Variants in SORCS2 observed in about 807,000 individuals in gnomAD.
The protein encoded by SORCS2 is sortilin related VPS10 domain containing receptor 2.
SORCS2 carries 100 observed loss-of-function variants against 141.6 expected under a neutral mutation model. The ratio of observed to expected loss-of-function variants is 0.71; its 90% CI spans 0.60 to 0.83. SORCS2 has a LOEUF of 0.83. SORCS2 is among the 40% of genes least tolerant of loss of function. SORCS2 has a pLI of 0.00. For synonymous variants in SORCS2, 789 were observed against 676.9 expected, an observed-to-expected ratio of 1.17 and a Z score of -2.57; for missense variants, 1,646 against 1,560.2, an observed-to-expected ratio of 1.05 and a Z score of -0.93.
chr4:7,579,647 C>T (rs1165184806), intron 3 of SORCS2, among the ~76,000 whole-genome samples: 8 of 152,198 alleles, frequency 5.3e-5, no homozygotes, highest in African/African-American at 1.9e-4. Context: ...CTGCTATCTT[C>T]TTTATCACTG....
rs867383597 is a variant in SORCS2 at position 7,481,432 on chromosome 4, G to A, written c.549-50098G>A. Among the ~76,000 whole-genome samples the A allele has an allele frequency of 2.1e-4, 32 of 152,330 alleles. No homozygotes were observed. In the Middle Eastern group the frequency reaches 0.014, roughly 65 times the overall value. On this transcript the variant is annotated intron_variant, in intron 2 of 26. Coordinates refer to ENST00000507866, the MANE Select transcript of SORCS2 (RefSeq NM_020777.3). ...CCTGGAGAACGGTGGCCTCTAGGCG[G>A]AGGTCGGCCGGGAGGCCCAGGAAAC...
chr4:7,740,610 C>G lies in SORCS2; in HGVS notation c.*346C>G, dbSNP rs1000126634. 2.7e-6 allele frequency: 1 copy of G among 368,056 alleles called. No individual in the cohort carries two copies. Among genetic ancestry groups the G allele is most frequent in the Non-Finnish European group, 5.1e-6 (1 of 194,394 alleles). 22.8% of individuals were successfully genotyped at this position (368,056 alleles called of 1,614,324 possible). A position where few individuals can be genotyped will look rare whatever the true frequency, so the allele number is the denominator to read the frequency against. ...TGAGGCTGGTCGTCCTGGAGCCCTC[C>G]CAGTACCTCGGGCTGCAAGAGCTGC... On this transcript the variant is annotated 3_prime_UTR_variant, in exon 27 of 27. Coordinates refer to ENST00000507866, the MANE Select transcript of SORCS2 (RefSeq NM_020777.3).
At chr4:7,245,049 A>T (rs1712987022) in intron 1 of SORCS2, among the ~76,000 whole-genome samples, 1 of 152,174 alleles carries the variant, frequency 6.6e-6, no homozygotes, top group South Asian at 2.1e-4. Context: ...AGAGTTCAGC[A>T]AGCGTGGATG....
At chr4:7,579,133 G>A (rs1343142133) in intron 3 of SORCS2, among the ~76,000 whole-genome samples, 1 of 152,150 alleles carries the variant, frequency 6.6e-6, no homozygotes, top group African/African-American at 2.4e-5. Context: ...ACTCACACTT[G>A]GGGCTGCCTT....
intron 4 of SORCS2, among the ~76,000 whole-genome samples, chr4:7,647,129 G>C (rs921621228): frequency 6.6e-6 from 1 of 152,236 alleles, no homozygotes; most frequent in African/African-American, 2.4e-5. Flanking sequence ...AGAGGACACA[G>C]CTTGCGCAAA....
At chr4:7,501,271 G>T (rs1731960897) in intron 2 of SORCS2, among the ~76,000 whole-genome samples, 1 of 152,174 alleles carries the variant, frequency 6.6e-6, no homozygotes, top group East Asian at 1.9e-4. Flanking sequence ...TCTTTACAAA[G>T]AACCTTGCTC....
intron 9 of SORCS2, among the ~76,000 whole-genome samples, chr4:7,680,284 C>G (rs925830746): frequency 2.0e-5 from 3 of 152,238 alleles, no homozygotes; most frequent in African/African-American, 7.2e-5. Flanking sequence ...GAGACACAGG[C>G]TCACACCCAT....
At chr4:7,654,254 T>C in intron 5 of SORCS2, 47 bp downstream of exon 5, 2 of 1,537,870 alleles carry the variant, frequency 1.3e-6, no homozygotes, top group Non-Finnish European at 1.8e-6. Context: ...GCAGCTCTGG[T>C]GAGAGCACTT....
At chr4:7,396,488 T>G in intron 2 of SORCS2, 133 bp downstream of exon 2, 1 of 854,266 alleles carries the variant, frequency 1.2e-6, no homozygotes, top group Non-Finnish European at 1.8e-6. Flanking sequence ...AACTTTTCTT[T>G]GGCTAGAAAA....
chr4:7,585,978 C>G (rs1292984007), intron 3 of SORCS2, among the ~76,000 whole-genome samples: 3 of 152,226 alleles, frequency 2.0e-5, no homozygotes, highest in African/African-American at 7.2e-5. Flanking sequence ...TGGTTTTCTT[C>G]CTCCTTCTAG....
At chr4:7,446,189 G>A (rs1202456387) in intron 2 of SORCS2, among the ~76,000 whole-genome samples, 1 of 151,976 alleles carries the variant, frequency 6.6e-6, no homozygotes, top group Non-Finnish European at 1.5e-5. Context: ...GGGGAGGGGA[G>A]GGGAGGGAAG....
At chr4:7,383,725 G>A (rs115333836) in intron 1 of SORCS2, among the ~76,000 whole-genome samples, 370 of 152,060 alleles carry the variant, frequency 2.4e-3, no homozygotes, top group African/African-American at 8.3e-3. Context: ...GAATAGCAAC[G>A]ACAAAAAACA....
Position 7,602,534 on chromosome 4 carries a change from C to T in SORCS2, c.649-35794C>T, listed in dbSNP as rs377734694. 1.8e-4 allele frequency among the ~76,000 whole-genome samples: 27 copies of T among 149,642 alleles called. 1 individual carries two copies. The East Asian group carries it at 4.6e-3, about 25-fold the overall frequency. ...CAGACGATGGGCGGCCGGGCAGAGA[C>T]GCTCCTCACTTCCTAGATGGGATGG... On this transcript the variant is annotated intron_variant, in intron 3 of 26. Transcript: ENST00000507866.
At chr4:7,373,006 GTTT>G (rs56090778) in intron 1 of SORCS2, among the ~76,000 whole-genome samples, 2 of 138,176 alleles carry the variant, frequency 1.4e-5, no homozygotes, top group African/African-American at 2.7e-5. Flanking sequence ...GGTGGTTTCT[GTTT>G]TTTTTTTTTT....
chr4:7,406,839 C>T (rs574559883), intron 2 of SORCS2, among the ~76,000 whole-genome samples: 7 of 151,922 alleles, frequency 4.6e-5, no homozygotes, highest in South Asian at 2.1e-4. Flanking sequence ...CTTTCCTCTT[C>T]GTATTTCCTT....
rs1466373274 is a variant in SORCS2, at chr4:7,418,099, C to T, written c.548+21744C>T. Among the ~76,000 whole-genome samples the T allele has an allele frequency of 2.6e-5, 4 of 152,192 alleles. No homozygotes were observed. In the East Asian group the frequency reaches 7.7e-4, roughly 29 times the overall value. On this transcript the variant is annotated intron_variant, in intron 2 of 26. Coordinates refer to ENST00000507866, the MANE Select transcript of SORCS2 (RefSeq NM_020777.3). ...TACGCTGTCACTTCTTCCTCCTCCTCCTCACCACACCCACCTTCCCTTCCT... is the reference window on the plus strand; with the variant it reads ...TACGCTGTCACTTCTTCCTCCTCCTTCTCACCACACCCACCTTCCCTTCCT...
chr4:7,226,139 T>A (rs536091022), intron 1 of SORCS2, among the ~76,000 whole-genome samples: 29 of 152,272 alleles, frequency 1.9e-4, no homozygotes, highest in Admixed American at 7.2e-4. Context: ...TCCTTGCTGC[T>A]GGGAGGGCTG....
chr4:7,723,701 A>T lies in SORCS2; in HGVS notation c.2429A>T (p.Asp810Val). Residue 810 changes from aspartate (D) to valine (V), a missense_variant, in exon 19 of 27, where the codon GAT becomes GTT. Coordinates refer to ENST00000507866, the MANE Select transcript of SORCS2 (RefSeq NM_020777.3). ...VLFVVRQEQG[D>V]VLTTKYQVDL... The stretch of plus-strand genomic sequence containing the variant: ...CCACATGGTGTTTCTCTGCAGGGTG[A>T]TGTCCTGACTACCAAGTACCAGGTA... 6.2e-7 allele frequency: 1 copy of T among 1,613,932 alleles called. No homozygotes were observed. The highest frequency in any genetic ancestry group is 8.5e-7 in the Non-Finnish European group (1 of 1,179,868).
intron 2 of SORCS2, among the ~76,000 whole-genome samples, chr4:7,521,133 G>C (rs1180883502): frequency 6.6e-6 from 1 of 152,180 alleles, no homozygotes; most frequent in Non-Finnish European, 1.5e-5. Context: ...TAAGGTCTCG[G>C]TGAGGTTCCC....
Sources: allele counts gnomAD v4.1 joint callset (sites outside exome capture counted in the v4.1 genomes callset), GRCh38; gene constraint gnomAD v4.1.1; transcripts MANE v1.5; gene names NCBI Gene and HGNC (gene_info 2026-07-23, HGNC 2026-07-21).